Variants in CDH8 observed in about 807,000 individuals in gnomAD.
The protein encoded by CDH8 is cadherin-8.
In CDH8, 17 loss-of-function variants were observed where a neutral mutation model predicts 68.1. The observed-to-expected ratio is 0.25, with a 90% CI of 0.17 to 0.37. CDH8 has a LOEUF of 0.37. Ranked by LOEUF, CDH8 falls within the 10% of genes least tolerant of loss-of-function variation. The pLI is 1.00. For missense variants in CDH8, 763 were observed against 999.3 expected (o/e 0.76, Z 3.19); for synonymous variants, 372 against 365.1 (o/e 1.02, Z -0.21).
intron 2 of CDH8, among the ~76,000 whole-genome samples, chr16:61,953,565 CA>C (rs554232989): frequency 0.035 from 4,745 of 137,286 alleles, 232 homozygotes; most frequent in African/African-American, 0.11. Context: ...ATTTTTCTTA[CA>C]AAAAAAAAAA....
At chr16:61,832,685 T>A (rs943671970) in intron 4 of CDH8, among the ~76,000 whole-genome samples, 2 of 151,652 alleles carry the variant, frequency 1.3e-5, no homozygotes, top group South Asian at 2.1e-4. Context: ...TAAAAGAAAA[T>A]CAATTTAAAT....
intron 3 of CDH8, among the ~76,000 whole-genome samples, chr16:61,870,028 G>T (rs1963327234): frequency 6.6e-6 from 1 of 152,032 alleles, no homozygotes; most frequent in South Asian, 2.1e-4. Flanking sequence ...TACCCTTTGG[G>T]CTAATTTGTA....
intron 4 of CDH8, among the ~76,000 whole-genome samples, chr16:61,851,918 A>T (rs1358576799): frequency 1.3e-5 from 2 of 151,946 alleles, no homozygotes; most frequent in Non-Finnish European, 2.9e-5. Context: ...AGCAAGGGAG[A>T]AGGTCAAAAA....
chr16:61,861,471 A>C (rs1420398972), intron 3 of CDH8, among the ~76,000 whole-genome samples: 1 of 152,186 alleles, frequency 6.6e-6, no homozygotes, highest in East Asian at 1.9e-4. Context: ...TTATCTTATT[A>C]TGAGAGGCAG....
chr16:61,938,223 G>C (rs2143521148), intron 2 of CDH8, among the ~76,000 whole-genome samples: 1 of 152,204 alleles, frequency 6.6e-6, no homozygotes, highest in African/African-American at 2.4e-5. Flanking sequence ...CTGTAGACAA[G>C]TTGATGAGGA....
At chr16:61,848,149 T>A (rs74023270) in intron 4 of CDH8, among the ~76,000 whole-genome samples, 4,205 of 152,146 alleles carry the variant, frequency 0.028, 186 homozygotes, top group African/African-American at 0.096. Flanking sequence ...TGAAGGGACA[T>A]GATACATAGA....
intron 10 of CDH8, among the ~76,000 whole-genome samples, chr16:61,674,889 T>G (rs1014605352): frequency 3.3e-5 from 5 of 151,604 alleles, no homozygotes; most frequent in African/African-American, 1.2e-4. Context: ...ATCTGTGAAT[T>G]TGAAGACATT....
chr16:61,973,069 T>C (rs1965371221), intron 2 of CDH8, among the ~76,000 whole-genome samples: 1 of 152,090 alleles, frequency 6.6e-6, no homozygotes, highest in Non-Finnish European at 1.5e-5. Flanking sequence ...TGGATTGGAG[T>C]TGCAGGGGTC....
chr16:61,811,744 G>C (rs1260705276), intron 7 of CDH8, among the ~76,000 whole-genome samples: 1 of 151,986 alleles, frequency 6.6e-6, no homozygotes, highest in Non-Finnish European at 1.5e-5. Flanking sequence ...CCTGCAATAC[G>C]CAACAACATG....
chr16:62,033,851 CCTT>C (rs1371433980), intron 1 of CDH8, among the ~76,000 whole-genome samples: 3 of 142,186 alleles, frequency 2.1e-5, no homozygotes, highest in African/African-American at 8.4e-5. Context: ...CAACTCCTCG[CCTT>C]CTTCAGAGTC....
intron 2 of CDH8, among the ~76,000 whole-genome samples, chr16:62,005,367 T>C (rs956353748): frequency 6.6e-6 from 1 of 152,152 alleles, no homozygotes; most frequent in Non-Finnish European, 1.5e-5. Context: ...TAGGCTATGT[T>C]AAAGAGTACC....
chr16:61,973,514 T>C (rs900095654), intron 2 of CDH8, among the ~76,000 whole-genome samples: 1 of 152,168 alleles, frequency 6.6e-6, no homozygotes, highest in Non-Finnish European at 1.5e-5. Flanking sequence ...TGTTAAAAGG[T>C]CAACTGTGTA....
At chr16:61,803,628 C>T (rs992704579) in intron 7 of CDH8, among the ~76,000 whole-genome samples, 2 of 151,358 alleles carry the variant, frequency 1.3e-5, no homozygotes, top group South Asian at 4.2e-4. Flanking sequence ...GAAGATCTAC[C>T]AAGGAAATGG....
intron 2 of CDH8, among the ~76,000 whole-genome samples, chr16:62,001,557 A>G (rs1320134274): frequency 6.6e-6 from 1 of 152,178 alleles, no homozygotes; most frequent in African/African-American, 2.4e-5. Flanking sequence ...TGTCAGTGAT[A>G]ATGATTTACA....
chr16:62,018,490 A>G (rs1901996253), intron 2 of CDH8, among the ~76,000 whole-genome samples: 2 of 152,034 alleles, frequency 1.3e-5, no homozygotes, highest in Admixed American at 6.6e-5. Flanking sequence ...CAGAGGTAAA[A>G]CACTAAAGCA....
chr16:61,725,659 TA>T (rs1398380002), intron 9 of CDH8: 1 of 150,798 alleles, frequency 6.6e-6, no homozygotes, highest in African/African-American at 2.4e-5. Context: ...GATATGTGTA[TA>T]TATAAACATA....
chr16:61,981,557 C>G (rs1253642799), intron 2 of CDH8, among the ~76,000 whole-genome samples: 1 of 152,156 alleles, frequency 6.6e-6, no homozygotes, highest in Non-Finnish European at 1.5e-5. Context: ...AATAAGGACA[C>G]AGAGTAATCC....
At chr16:61,788,144 C>G (rs1170701220) in intron 8 of CDH8, among the ~76,000 whole-genome samples, 1 of 151,004 alleles carries the variant, frequency 6.6e-6, no homozygotes, top group Non-Finnish European at 1.5e-5. Flanking sequence ...CTCTTTCACA[C>G]AAGCGTTCTT....
intron 3 of CDH8, among the ~76,000 whole-genome samples, chr16:61,861,192 T>C (rs1309584706): frequency 6.6e-6 from 1 of 152,144 alleles, no homozygotes; most frequent in East Asian, 1.9e-4. Context: ...TTCTAAAAAA[T>C]ATTTTCAGGC....
Sources: allele counts gnomAD v4.1 joint callset (sites outside exome capture counted in the v4.1 genomes callset), GRCh38; gene constraint gnomAD v4.1.1; transcripts MANE v1.5; gene names NCBI Gene and HGNC (gene_info 2026-07-23, HGNC 2026-07-21).